KCNIP4: variants seen among roughly 807,000 people sequenced by gnomAD.
KCNIP4 encodes the protein Kv channel-interacting protein 4.
KCNIP4 carries 12 observed loss-of-function variants against 34.0 expected under a neutral mutation model. That is an observed-to-expected ratio of 0.35 (90% CI 0.23 to 0.57). KCNIP4 has a LOEUF of 0.57. Among genes scored for constraint, KCNIP4 ranks in the 20% least tolerant of loss-of-function variants. The pLI, the probability that KCNIP4 is intolerant of heterozygous loss-of-function variation, is 0.83. For missense variants in KCNIP4, 238 were observed against 311.7 expected (o/e 0.76, Z 1.78); for synonymous variants, 124 against 102.2 (o/e 1.21, Z -1.29).
At chr4:21,094,005 C>G (rs752038479) in intron 1 of KCNIP4, among the ~76,000 whole-genome samples, 1 of 151,942 alleles carries the variant, frequency 6.6e-6, no homozygotes, top group Non-Finnish European at 1.5e-5. Flanking sequence ...TGGGGTGAAC[C>G]CGGGAGGCAG....
intron 3 of KCNIP4, among the ~76,000 whole-genome samples, chr4:20,831,142 G>A (rs1247903028): frequency 2.0e-5 from 3 of 152,120 alleles, no homozygotes; most frequent in Non-Finnish European, 4.4e-5. Context: ...TTTTGTGTGT[G>A]TATCTATTCC....
At chr4:21,763,766 G>C (rs1718213371) in intron 1 of KCNIP4, among the ~76,000 whole-genome samples, 1 of 152,088 alleles carries the variant, frequency 6.6e-6, no homozygotes, top group Non-Finnish European at 1.5e-5. Flanking sequence ...TTTCATTTCA[G>C]TCTTGTTATA....
chr4:21,314,161 C>T (rs977788275), intron 1 of KCNIP4, among the ~76,000 whole-genome samples: 1 of 152,182 alleles, frequency 6.6e-6, no homozygotes, highest in African/African-American at 2.4e-5. Context: ...CGTGTTCTGT[C>T]TGCAATGTGG....
rs998422180 is a variant in KCNIP4, at chr4:21,186,802, G to A, written c.62-304093C>T. ...TGGGACTACAGGCATATGCCACCAT[G>A]TCCAGTTAATTTTTTAAATTTTCTT... is the stretch of plus-strand genomic sequence containing the variant. On this transcript the variant is annotated intron_variant, in intron 1 of 8. Coordinates refer to ENST00000382152, the MANE Select transcript of KCNIP4 (RefSeq NM_025221.6). Among the ~76,000 whole-genome samples, 9 of 152,016 alleles carry A rather than the reference G, an allele frequency of 5.9e-5. 1 individual carries two copies. The highest frequency in any genetic ancestry group is 8.8e-5 in the Non-Finnish European group (6 of 68,006).
At chr4:21,573,391 T>C (rs1343151042) in intron 1 of KCNIP4, among the ~76,000 whole-genome samples, 1 of 152,122 alleles carries the variant, frequency 6.6e-6, no homozygotes, top group Non-Finnish European at 1.5e-5. Context: ...CATTTTTCTC[T>C]CTTAAGCACC....
chr4:21,041,852 T>C (rs573665371), intron 1 of KCNIP4, among the ~76,000 whole-genome samples: 70 of 152,314 alleles, frequency 4.6e-4, no homozygotes, highest in Middle Eastern at 3.4e-3. Context: ...GGCCAACAGC[T>C]TCCATGATAA....
intron 1 of KCNIP4, among the ~76,000 whole-genome samples, chr4:21,226,313 GAAAGA>G (rs1758389706): frequency 7.3e-6 from 1 of 137,090 alleles, no homozygotes; most frequent in Non-Finnish European, 1.5e-5. Context: ...GAGAAGAGAG[GAAAGA>G]AAGGGAAGGG....
At chr4:21,615,657 G>A (rs1243266419) in intron 1 of KCNIP4, among the ~76,000 whole-genome samples, 7 of 152,022 alleles carry the variant, frequency 4.6e-5, no homozygotes, top group Non-Finnish European at 1.0e-4. Flanking sequence ...GAAAAATAAA[G>A]TACATCTCTA....
chr4:21,319,256 T>C (rs1714123204), intron 1 of KCNIP4, among the ~76,000 whole-genome samples: 1 of 152,192 alleles, frequency 6.6e-6, no homozygotes, highest in African/African-American at 2.4e-5. Flanking sequence ...GATCATTTGG[T>C]TGCAATTGAC....
chr4:21,391,711 C>T (rs1395741847), intron 1 of KCNIP4, among the ~76,000 whole-genome samples: 1 of 152,272 alleles, frequency 6.6e-6, no homozygotes, highest in East Asian at 1.9e-4. Flanking sequence ...TTTCTGTCTC[C>T]TGGAAAAATT....
chr4:20,810,078 G>T (rs574300635), intron 3 of KCNIP4, among the ~76,000 whole-genome samples: 1 of 152,180 alleles, frequency 6.6e-6, no homozygotes, highest in Non-Finnish European at 1.5e-5. Flanking sequence ...GTCTGTGAAC[G>T]ACTGCAGCAA....
chr4:21,718,216 T>C (rs1714533386), intron 1 of KCNIP4, among the ~76,000 whole-genome samples: 1 of 152,212 alleles, frequency 6.6e-6, no homozygotes, highest in Non-Finnish European at 1.5e-5. Context: ...AGAAATAGTT[T>C]CAACTCATCT....
At chr4:21,168,066 A>AT (rs1471078827) in intron 1 of KCNIP4, among the ~76,000 whole-genome samples, 1 of 152,196 alleles carries the variant, frequency 6.6e-6, no homozygotes, top group East Asian at 1.9e-4. Flanking sequence ...GTAGTAAATG[A>AT]TTTTTTAAAT....
intron 1 of KCNIP4, among the ~76,000 whole-genome samples, chr4:21,803,541 C>A (rs1387501541): frequency 6.6e-6 from 1 of 152,150 alleles, no homozygotes; most frequent in Non-Finnish European, 1.5e-5. Context: ...CAACATTCAG[C>A]CTCTAACACT....
intron 1 of KCNIP4, among the ~76,000 whole-genome samples, chr4:21,896,499 C>T (rs2109412262): frequency 6.6e-6 from 1 of 151,134 alleles, no homozygotes; most frequent in African/African-American, 2.4e-5. Context: ...TGTTGGAAGT[C>T]AGACAGAGAA....
At chr4:21,801,098 A>G (rs754543165) in intron 1 of KCNIP4, among the ~76,000 whole-genome samples, 2 of 152,170 alleles carry the variant, frequency 1.3e-5, no homozygotes, top group African/African-American at 4.8e-5. Context: ...AGGTTCAGAG[A>G]CTTTTAAATG....
intron 1 of KCNIP4, among the ~76,000 whole-genome samples, chr4:21,200,228 G>A (rs562284036): frequency 5.3e-5 from 8 of 150,916 alleles, no homozygotes; most frequent in African/African-American, 1.5e-4. Context: ...ATCACAACAC[G>A]ATTCACAATT....
chr4:21,793,845 T>C (rs1720449200), intron 1 of KCNIP4, among the ~76,000 whole-genome samples: 2 of 152,222 alleles, frequency 1.3e-5, no homozygotes, highest in African/African-American at 2.4e-5. Context: ...GTATGTTTAT[T>C]GTGTCACTAT....
chr4:20,913,736 A>G (rs905846208), intron 1 of KCNIP4, among the ~76,000 whole-genome samples: 1 of 152,210 alleles, frequency 6.6e-6, no homozygotes, highest in South Asian at 2.1e-4. Flanking sequence ...TAGCTGACCA[A>G]TTGTGAGCAA....
Sources: allele counts gnomAD v4.1 joint callset (sites outside exome capture counted in the v4.1 genomes callset), GRCh38; gene constraint gnomAD v4.1.1; transcripts MANE v1.5; gene names NCBI Gene and HGNC (gene_info 2026-07-23, HGNC 2026-07-21).